The following FSTL5 variants were observed in gnomAD, a reference collection of about 807,000 sequenced individuals.
The protein encoded by FSTL5 is follistatin-related protein 5.
Under a neutral mutation model 89.1 loss-of-function variants are expected in FSTL5, and 62 were observed. That is an observed-to-expected ratio of 0.70 (90% confidence interval 0.57 to 0.86). The LOEUF (loss-of-function observed/expected upper bound fraction) is 0.86. Among genes scored for constraint, FSTL5 ranks in the 40% least tolerant of loss-of-function variants. FSTL5 has a pLI of 0.00. For missense variants in FSTL5, 1,057 were observed against 1,001.6 expected, an observed-to-expected ratio of 1.06 and a Z score of -0.75; for synonymous variants, 383 against 346.2, an observed-to-expected ratio of 1.11 and a Z score of -1.18.
At chr4:162,066,163 C>A (rs891081999) in intron 2 of FSTL5, among the ~76,000 whole-genome samples, 1 of 151,722 alleles carries the variant, frequency 6.6e-6, no homozygotes, top group South Asian at 2.1e-4. Context: ...TGATTCTTTT[C>A]CACTCTTTTT....
At chr4:161,871,977 T>C (rs1352963112) in intron 4 of FSTL5, among the ~76,000 whole-genome samples, 1 of 138,130 alleles carries the variant, frequency 7.2e-6, no homozygotes, top group Non-Finnish European at 1.5e-5. Context: ...TTCAAAAACA[T>C]AATAAAATAA....
chr4:161,852,917 T>C (rs533163797), intron 4 of FSTL5, among the ~76,000 whole-genome samples: 1 of 152,246 alleles, frequency 6.6e-6, no homozygotes, highest in Non-Finnish European at 1.5e-5. Flanking sequence ...TGGGCTGATC[T>C]GTGCAGCAAA....
At chr4:161,928,868 G>GT (rs929441512) in intron 3 of FSTL5, among the ~76,000 whole-genome samples, 1 of 151,596 alleles carries the variant, frequency 6.6e-6, no homozygotes, top group African/African-American at 2.4e-5. Flanking sequence ...CATGACAGTG[G>GT]TTTTTGCAGA....
rs1731927889 is a variant in FSTL5 at position 161,861,862 on chromosome 4, C to A, written c.409+58542G>T. On this transcript the variant is annotated intron_variant, in intron 4 of 15. Transcript: ENST00000306100. ...CAGAAAATCTGATCAATGCATGTGT[C>A]TGTGGCTAAGAAATCATTTTTCCCT... Among the ~76,000 whole-genome samples, 4 of 152,176 alleles carry A rather than the reference C, an allele frequency of 2.6e-5. No homozygotes were observed. In the South Asian group the frequency reaches 8.3e-4, roughly 32 times the overall value.
intron 1 of FSTL5, among the ~76,000 whole-genome samples, chr4:162,113,399 G>T (rs1242243990): frequency 6.6e-6 from 1 of 152,070 alleles, no homozygotes; most frequent in Non-Finnish European, 1.5e-5. Context: ...ATTGCAAGCT[G>T]TCAAGACGCT....
intron 3 of FSTL5, among the ~76,000 whole-genome samples, chr4:161,967,079 C>CA (rs11385218): frequency 0.097 from 12,168 of 125,048 alleles, 515 homozygotes; most frequent in African/African-American, 0.13. Context: ...TTCTGTTTCA[C>CA]AAAAAAAAAA....
intron 4 of FSTL5, among the ~76,000 whole-genome samples, chr4:161,858,627 A>C (rs989520494): frequency 6.6e-6 from 1 of 152,220 alleles, no homozygotes; most frequent in African/African-American, 2.4e-5. Context: ...TGGTAATTCT[A>C]ATTCTTTTTC....
intron 15 of FSTL5, among the ~76,000 whole-genome samples, chr4:161,421,373 C>T (rs1430475593): frequency 1.3e-5 from 2 of 151,884 alleles, no homozygotes; most frequent in Non-Finnish European, 2.9e-5. Context: ...AGTAGATAGC[C>T]TAGCACAAAA....
intron 10 of FSTL5, among the ~76,000 whole-genome samples, chr4:161,520,032 A>G (rs1730970868): frequency 6.6e-6 from 1 of 152,166 alleles, no homozygotes; most frequent in East Asian, 1.9e-4. Flanking sequence ...TTAAATTAAT[A>G]GAAAAGTATC....
intron 2 of FSTL5, among the ~76,000 whole-genome samples, chr4:162,073,259 T>C (rs1729700579): frequency 6.6e-6 from 1 of 151,846 alleles, no homozygotes; most frequent in African/African-American, 2.4e-5. Context: ...TGTGTGTGTG[T>C]ATGTATATTT....
chr4:161,587,986 C>T (rs1733675661), intron 7 of FSTL5, among the ~76,000 whole-genome samples: 1 of 151,894 alleles, frequency 6.6e-6, no homozygotes, highest in African/African-American at 2.4e-5. Context: ...CCAGCCTGGC[C>T]AAAATGGTGA....
intron 6 of FSTL5, among the ~76,000 whole-genome samples, chr4:161,709,979 T>G (rs1431354114): frequency 6.6e-6 from 1 of 152,108 alleles, no homozygotes; most frequent in Non-Finnish European, 1.5e-5. Context: ...TGGTGGTAGT[T>G]GTTTTTTGAG....
Position 161,849,528 on chromosome 4 carries a change from T to TACAC in FSTL5, c.409+70872_409+70875dup, listed in dbSNP as rs35353090. 2.7e-3 allele frequency among the ~76,000 whole-genome samples: 396 copies of TACAC among 147,416 alleles called. 2 individuals are homozygous for TACAC. The East Asian group carries it at 0.03, about 11-fold the overall frequency. ...AAATGTTTCATCATTGCCCTCGACC[T>TACAC]ACACACACACACACACACACACACA... On this transcript the variant is annotated intron_variant, in intron 4 of 15. Transcript: ENST00000306100.
rs1739297321 is a variant in FSTL5, at chr4:161,723,770, G to A, written c.727+35641C>T. 3.3e-5 allele frequency among the ~76,000 whole-genome samples: 5 copies of A among 152,178 alleles called. No individual in the cohort carries two copies. The South Asian group carries it at 1.0e-3, about 32-fold the overall frequency. ...ATTTCTACACAGATGTTTTCATTAA[G>A]AAGAGTAAATTGAAGAACGAAACCT... is the stretch of plus-strand genomic sequence containing the variant. On this transcript the variant is annotated intron_variant, in intron 6 of 15. Transcript: ENST00000306100.
chr4:161,513,373 G>A (rs1482732774), intron 10 of FSTL5, among the ~76,000 whole-genome samples: 2 of 151,580 alleles, frequency 1.3e-5, no homozygotes, highest in Non-Finnish European at 2.9e-5. Flanking sequence ...GGAGTAGGGA[G>A]AGGATCAGGA....
chr4:161,716,254 CTCT>C (rs1040223872), intron 6 of FSTL5, among the ~76,000 whole-genome samples: 1 of 152,168 alleles, frequency 6.6e-6, no homozygotes, highest in Admixed American at 6.6e-5. Flanking sequence ...GCATTCAACT[CTCT>C]TGTTTGTCTC....
chr4:161,601,196 GA>G (rs142473953), intron 7 of FSTL5, among the ~76,000 whole-genome samples: 1 of 152,148 alleles, frequency 6.6e-6, no homozygotes, highest in Non-Finnish European at 1.5e-5. Flanking sequence ...GGGGGCAGGA[GA>G]GGCATTCCTC....
chr4:161,517,226 G>A (rs1464064981), intron 10 of FSTL5, among the ~76,000 whole-genome samples: 1 of 152,008 alleles, frequency 6.6e-6, no homozygotes, highest in Non-Finnish European at 1.5e-5. Flanking sequence ...TAGTCTGTCT[G>A]GAACCAAGAC....
chr4:161,601,528 C>G (rs183634255), intron 7 of FSTL5, among the ~76,000 whole-genome samples: 1 of 151,984 alleles, frequency 6.6e-6, no homozygotes, highest in Non-Finnish European at 1.5e-5. Context: ...AAGGTTGATA[C>G]TGAATGAAAA....
Sources: allele counts gnomAD v4.1 joint callset (sites outside exome capture counted in the v4.1 genomes callset), GRCh38; gene constraint gnomAD v4.1.1; transcripts MANE v1.5; gene names NCBI Gene and HGNC (gene_info 2026-07-23, HGNC 2026-07-21).